Variants in GPATCH2 observed in about 807,000 individuals in gnomAD.
GPATCH2 encodes the protein G patch domain-containing protein 2.
Under a neutral mutation model 58.0 loss-of-function variants are expected in GPATCH2, and 51 were observed. That is an observed-to-expected ratio of 0.88 (90% CI 0.70 to 1.11). GPATCH2 has a LOEUF of 1.11. GPATCH2 is among the 50% of genes most tolerant of loss of function. The pLI is 0.00. For synonymous variants in GPATCH2, 222 were observed against 218.5 expected (o/e 1.02, Z -0.14); for missense variants, 625 against 652.2 (o/e 0.96, Z 0.45).
At chr1:217,532,897 T>TTG (rs1558464144) in intron 5 of GPATCH2, among the ~76,000 whole-genome samples, 1 of 27,394 alleles carries the variant, frequency 3.7e-5, no homozygotes, top group African/African-American at 9.0e-5. Context: ...TTTTTTTTTT[T>TTG]TTGTTTTTTT....
chr1:217,511,259 T>C (rs1322085893), intron 6 of GPATCH2, among the ~76,000 whole-genome samples: 1 of 152,104 alleles, frequency 6.6e-6, no homozygotes, highest in East Asian at 1.9e-4. Context: ...CCCGGAAAGA[T>C]TTTATACTGT....
intron 9 of GPATCH2, among the ~76,000 whole-genome samples, chr1:217,432,135 T>C (rs1658568008): frequency 1.3e-5 from 2 of 152,040 alleles, no homozygotes; most frequent in Non-Finnish European, 2.9e-5. Context: ...GAGATAGATA[T>C]ATTTCTTCCT....
chr1:217,623,190 C>T (rs1669285395), intron 1 of GPATCH2, among the ~76,000 whole-genome samples: 1 of 152,080 alleles, frequency 6.6e-6, no homozygotes, highest in Non-Finnish European at 1.5e-5. Flanking sequence ...GTAACTTACT[C>T]TTGGAAGACA....
At chr1:217,466,910 C>T (rs753425450) in intron 8 of GPATCH2, among the ~76,000 whole-genome samples, 11 of 152,174 alleles carry the variant, frequency 7.2e-5, no homozygotes, top group South Asian at 2.1e-4. Flanking sequence ...CGGTGGCTCA[C>T]GCCTGTAATC....
chr1:217,577,222 CCAAT>C (rs940135601), intron 5 of GPATCH2, among the ~76,000 whole-genome samples: 1 of 152,166 alleles, frequency 6.6e-6, no homozygotes, highest in South Asian at 2.1e-4. Flanking sequence ...AGAAAATTCC[CCAAT>C]CAAATTTTGA....
chr1:217,554,330 C>T (rs74708536), intron 5 of GPATCH2, among the ~76,000 whole-genome samples: 2,357 of 152,272 alleles, frequency 0.015, 50 homozygotes, highest in East Asian at 0.11. Flanking sequence ...GCTAGGGCAA[C>T]CTCATCCTCA....
chr1:217,506,185 A>T (rs560921500), intron 6 of GPATCH2, among the ~76,000 whole-genome samples: 5 of 152,232 alleles, frequency 3.3e-5, no homozygotes, highest in Non-Finnish European at 7.3e-5. Context: ...GTGAAGATAC[A>T]GAACATTTCC....
intron 6 of GPATCH2, among the ~76,000 whole-genome samples, chr1:217,510,656 A>G (rs1662800325): frequency 6.6e-6 from 1 of 152,154 alleles, no homozygotes; most frequent in South Asian, 2.1e-4. Context: ...AATCTTATTC[A>G]TACAAATTGG....
rs148755650 is a variant in GPATCH2, at chr1:217,466,051, T to C, written c.1278-16714A>G. ...AGAAAAACATGAGCCATGGATTGCA[T>C]ATCTGGCCAAAATGACCTTTAAATA... is the stretch of plus-strand genomic sequence containing the variant. On this transcript the variant is annotated intron_variant, in intron 8 of 9. Coordinates refer to ENST00000366935, the MANE Select transcript of GPATCH2 (RefSeq NM_018040.5). Among the ~76,000 whole-genome samples, 1,028 of 152,298 alleles carry C rather than the reference T, an allele frequency of 6.7e-3. 7 individuals carry two copies. The highest frequency in any genetic ancestry group is 0.011 in the Non-Finnish European group (744 of 68,018).
intron 6 of GPATCH2, among the ~76,000 whole-genome samples, chr1:217,510,379 A>G (rs1294269994): frequency 6.6e-6 from 1 of 151,892 alleles, no homozygotes; most frequent in East Asian, 1.9e-4. Flanking sequence ...ATTTAAAACA[A>G]AAACCAAACC....
chr1:217,626,988 A>G (rs1450340746), intron 1 of GPATCH2, among the ~76,000 whole-genome samples: 2 of 152,032 alleles, frequency 1.3e-5, no homozygotes, highest in Admixed American at 6.6e-5. Flanking sequence ...CTCTAGGGAA[A>G]AAAAAAAGGC....
rs541333724 is a variant in GPATCH2 at position 217,524,634 on chromosome 1, G to A, written c.1099-9745C>T. Among the ~76,000 whole-genome samples the A allele has an allele frequency of 3.8e-3, 570 of 151,690 alleles. 5 individuals carry two copies. Among genetic ancestry groups the A allele is most frequent in the African/African-American group, 0.013 (524 of 41,414 alleles). ...GGCACCTCGGGAGGCCGAGGCTGGC[G>A]GATCACTCGCGGTTAGGAGCTGGAG... On this transcript the variant is annotated intron_variant, in intron 5 of 9. Transcript: ENST00000366935.
chr1:217,562,578 A>T (rs951999627), intron 5 of GPATCH2, among the ~76,000 whole-genome samples: 52 of 152,334 alleles, frequency 3.4e-4, no homozygotes, highest in African/African-American at 1.3e-3. Context: ...GAGTGAAAAG[A>T]TCCAGATGTG....
At chr1:217,439,993 G>GT (rs1659058939) in intron 9 of GPATCH2, among the ~76,000 whole-genome samples, 1 of 152,154 alleles carries the variant, frequency 6.6e-6, no homozygotes, top group Non-Finnish European at 1.5e-5. Flanking sequence ...GAAAAAGAGG[G>GT]ACTCCTCCCA....
intron 6 of GPATCH2, among the ~76,000 whole-genome samples, chr1:217,503,474 C>A (rs955549939): frequency 6.6e-6 from 1 of 151,924 alleles, no homozygotes; most frequent in Non-Finnish European, 1.5e-5. Flanking sequence ...GAAAAAAAAC[C>A]TTTCAATCAA....
intron 5 of GPATCH2, among the ~76,000 whole-genome samples, chr1:217,554,890 C>A (rs751634093): frequency 6.6e-6 from 1 of 152,138 alleles, no homozygotes; most frequent in Admixed American, 6.6e-5. Context: ...CTTTTCCCTG[C>A]AAAATAGTTG....
intron 8 of GPATCH2, among the ~76,000 whole-genome samples, chr1:217,487,158 G>A (rs1236267197): frequency 2.0e-5 from 3 of 152,140 alleles, no homozygotes; most frequent in African/African-American, 4.8e-5. Flanking sequence ...ACATACACAA[G>A]TTTAAGATAG....
At chr1:217,467,103 G>A (rs1479531497) in intron 8 of GPATCH2, among the ~76,000 whole-genome samples, 1 of 152,194 alleles carries the variant, frequency 6.6e-6, no homozygotes, top group Admixed American at 6.5e-5. Flanking sequence ...CACGAACCTG[G>A]GAGGCGGATG....
At chr1:217,464,846 T>C (rs1660369704) in intron 8 of GPATCH2, among the ~76,000 whole-genome samples, 1 of 152,144 alleles carries the variant, frequency 6.6e-6, no homozygotes, top group Non-Finnish European at 1.5e-5. Context: ...CAGAACAGTG[T>C]TGCAGATACA....
Sources: gnomAD v4.1 joint callset for allele counts (sites outside exome capture counted in the v4.1 genomes callset) on GRCh38, gnomAD v4.1.1 for gene constraint, MANE v1.5 for transcripts, NCBI Gene and HGNC (gene_info 2026-07-23, HGNC 2026-07-21) for gene names.